CSTF3: variants seen among roughly 807,000 people sequenced by gnomAD.
CSTF3 encodes CF-1 77 kDa subunit.
CSTF3 carries 29 observed loss-of-function variants against 105.8 expected under a neutral mutation model. The ratio of observed to expected loss-of-function variants is 0.27; its 90% confidence interval spans 0.20 to 0.37. CSTF3 has a LOEUF of 0.37. Among genes scored for constraint, CSTF3 ranks in the 10% least tolerant of loss-of-function variants. The pLI, the probability that CSTF3 is intolerant of heterozygous loss-of-function variation, is 1.00. For synonymous variants in CSTF3, 252 were observed against 281.9 expected (o/e 0.89, Z 1.06); for missense variants, 357 against 879.3 (o/e 0.41, Z 7.51).
chr11:33,098,501 G>A (rs1019334708), intron 13 of CSTF3, among the ~76,000 whole-genome samples, 189 bp downstream of exon 13: 3 of 152,074 alleles, frequency 2.0e-5, no homozygotes, highest in African/African-American at 7.2e-5. Flanking sequence ...GGTCACATGG[G>A]GGAATTTTTG....
Position 33,085,097 on chromosome 11 carries a change from C to T in CSTF3, c.2144G>A (p.Arg715Gln). Residue 715 changes from arginine (R) to glutamine (Q), a missense_variant, in exon 21 of 21, where the codon CGG (arginine) becomes CAG (glutamine). This residue lies in a region of CSTF3 where 73 missense variants were observed against 105.8 expected (regional missense o/e 0.69). Coordinates refer to ENST00000323959, the MANE Select transcript of CSTF3 (RefSeq NM_001326.3). Reference protein sequence around the residue: ...HDIYRARQQKRIR With the variant: ...HDIYRARQQKQIR ...GAGGCGTTTAAAACCCTACCGAATCCGCTTCTGCTGCCGTGCTCTGTAAAT... is the reference window on the plus strand; with the variant it reads ...GAGGCGTTTAAAACCCTACCGAATCTGCTTCTGCTGCCGTGCTCTGTAAAT... The T allele has an allele frequency of 6.2e-7, 1 of 1,614,130 alleles. No homozygotes were observed. Among genetic ancestry groups the T allele is most frequent in the Non-Finnish European group, 8.5e-7 (1 of 1,180,022 alleles).
At chr11:33,161,254 G>C (rs749532820) in intron 1 of CSTF3, 45 bp downstream of exon 1, 1 of 1,609,624 alleles carries the variant, frequency 6.2e-7, no homozygotes, top group Non-Finnish European at 8.5e-7. Context: ...AGGAACAGAC[G>C]TGGAGAAGAG....
At chr11:33,155,749 A>AGTT (rs1849857500) in intron 1 of CSTF3, among the ~76,000 whole-genome samples, 1 of 152,090 alleles carries the variant, frequency 6.6e-6, no homozygotes, top group Non-Finnish European at 1.5e-5. Flanking sequence ...ACCATTACCA[A>AGTT]CTGTCCAACA....
intron 1 of CSTF3, among the ~76,000 whole-genome samples, chr11:33,156,099 C>T (rs1417473094): frequency 6.6e-6 from 1 of 152,110 alleles, no homozygotes; most frequent in Non-Finnish European, 1.5e-5. Context: ...GAACAACTGT[C>T]CCCAAACAGA....
intron 5 of CSTF3, among the ~76,000 whole-genome samples, chr11:33,106,945 C>T (rs1438265615): frequency 6.6e-6 from 1 of 151,954 alleles, no homozygotes; most frequent in Non-Finnish European, 1.5e-5. Context: ...GTAAAGGGTA[C>T]ATTAGGGAAA....
intron 3 of CSTF3, among the ~76,000 whole-genome samples, chr11:33,122,982 A>G (rs1163821969): frequency 6.6e-6 from 1 of 151,934 alleles, no homozygotes; most frequent in East Asian, 1.9e-4. Context: ...CAGTAAGAAC[A>G]TCAAAATAAC....
intron 1 of CSTF3, among the ~76,000 whole-genome samples, chr11:33,149,953 A>C (rs1265879979): frequency 6.6e-6 from 1 of 152,128 alleles, no homozygotes; most frequent in Non-Finnish European, 1.5e-5. Context: ...CAGGAGGCAA[A>C]GGTTGCAGTG....
chr11:33,121,559 G>A (rs866439937), intron 3 of CSTF3, among the ~76,000 whole-genome samples: 13 of 152,180 alleles, frequency 8.5e-5, no homozygotes, highest in Admixed American at 3.3e-4. Flanking sequence ...TGCCACCAAA[G>A]GTAAAGAATT....
intron 3 of CSTF3, among the ~76,000 whole-genome samples, chr11:33,134,860 G>C (rs1258447634): frequency 6.6e-6 from 1 of 152,064 alleles, no homozygotes; most frequent in African/African-American, 2.4e-5. Context: ...TTATTTGTGA[G>C]AAAACATCCC....
At chr11:33,138,512 T>C (rs563517838) in intron 3 of CSTF3, among the ~76,000 whole-genome samples, 1 of 152,008 alleles carries the variant, frequency 6.6e-6, no homozygotes, top group East Asian at 1.9e-4. Context: ...TTAACTCAAG[T>C]GTTTAAAACC....
chr11:33,140,590 A>C (rs1262977620), intron 3 of CSTF3, among the ~76,000 whole-genome samples: 1 of 152,084 alleles, frequency 6.6e-6, no homozygotes, highest in South Asian at 2.1e-4. Context: ...TTCTGAGGAC[A>C]TATCACAGAT....
intron 3 of CSTF3, among the ~76,000 whole-genome samples, chr11:33,130,902 A>C (rs967298036): frequency 1.3e-5 from 2 of 151,900 alleles, no homozygotes; most frequent in Admixed American, 6.6e-5. Context: ...GGTGGTATGC[A>C]CCTGTATTCC....
At chr11:33,103,593 C>A (rs1156335403) in intron 8 of CSTF3, among the ~76,000 whole-genome samples, 2 of 152,022 alleles carry the variant, frequency 1.3e-5, no homozygotes, top group Non-Finnish European at 2.9e-5. Flanking sequence ...CATGGTGAAA[C>A]CCCGTTTCTA....
intron 1 of CSTF3, among the ~76,000 whole-genome samples, chr11:33,151,128 ATT>A (rs1168711444): frequency 1.3e-5 from 2 of 151,872 alleles, no homozygotes; most frequent in Non-Finnish European, 2.9e-5. Context: ...CTACTAATCT[ATT>A]TTGTCTCTAG....
chr11:33,138,271 C>G (rs182758490), intron 3 of CSTF3, among the ~76,000 whole-genome samples: 2 of 151,692 alleles, frequency 1.3e-5, no homozygotes, highest in Admixed American at 1.3e-4. Flanking sequence ...TGGCCCGATT[C>G]AAAACAAATT....
At position 33,096,362 on chromosome 11, in the gene CSTF3, T is replaced by C; in HGVS notation, c.1319A>G (p.Tyr440Cys). 1 of 1,603,270 alleles carries C rather than the reference T, an allele frequency of 6.2e-7. No homozygotes were observed. Among genetic ancestry groups the C allele is most frequent in the Non-Finnish European group, 8.5e-7 (1 of 1,177,924 alleles). ...CAGGACATACTCTGGAATGTCTCCATATTTTTTTAGCCCCAGCTCAAAAAT... is the reference window on the plus strand; with the variant it reads ...CAGGACATACTCTGGAATGTCTCCACATTTTTTTAGCCCCAGCTCAAAAAT... Reference protein sequence around the residue: ...FKIFELGLKKYGDIPEYVLAY... With the variant: ...FKIFELGLKKCGDIPEYVLAY... The change falls in exon 15 of 21, where the codon TAT (tyrosine) becomes TGT (cysteine). Residue 440 changes from tyrosine (Y) to cysteine (C), a missense_variant. By Grantham distance (194) the Tyr-to-Cys change is radical. Transcript: ENST00000323959.
chr11:33,086,940 CAACA>C (rs773930168), intron 18 of CSTF3, 44 bp downstream of exon 18: 18 of 1,611,824 alleles, frequency 1.1e-5, no homozygotes, highest in African/African-American at 5.3e-5. Flanking sequence ...GGATTTAAAT[CAACA>C]AACAAACCAA....
intron 3 of CSTF3, among the ~76,000 whole-genome samples, chr11:33,122,788 C>A (rs1855503877): frequency 6.6e-6 from 1 of 151,390 alleles, no homozygotes; most frequent in African/African-American, 2.4e-5. Flanking sequence ...TGGTGGCATG[C>A]ACCTGTAGTC....
Position 33,106,079 on chromosome 11 carries a change from A to G in CSTF3, c.357-15T>C, listed in dbSNP as rs1367187086. Reference sequence around the variant, plus strand: ...CCATTTTTTCTCTGAAATGAACATGAAAGACGTGGTTTTTAAATTTTTTTG... The same window carrying G: ...CCATTTTTTCTCTGAAATGAACATGGAAGACGTGGTTTTTAAATTTTTTTG... On this transcript the variant is annotated splice_polypyrimidine_tract_variant and intron_variant, in intron 5 of 20. Transcript: ENST00000323959. 3.7e-6 allele frequency: 6 copies of G among 1,604,392 alleles called. No individual in the cohort carries two copies. The Admixed American group carries it at 8.4e-5, about 23-fold the overall frequency.
Sources: gnomAD v4.1 joint callset for allele counts (sites outside exome capture counted in the v4.1 genomes callset) on GRCh38, gnomAD v4.1.1 for gene constraint, gnomAD v4.1.1 regional missense constraint, MANE v1.5 for transcripts, NCBI Gene and HGNC (gene_info 2026-07-23, HGNC 2026-07-21) for gene names.